RUVBL1: variants seen among roughly 807,000 people sequenced by gnomAD.
The protein encoded by RUVBL1 is ruvB-like 1.
Under a neutral mutation model 52.4 loss-of-function variants are expected in RUVBL1, and 4 were observed. That is an observed-to-expected ratio of 0.08 (90% CI 0.04 to 0.17). The LOEUF (loss-of-function observed/expected upper bound fraction) is 0.17, where lower values mean the gene tolerates loss of function less well. Among genes scored for constraint, RUVBL1 ranks in the 10% least tolerant of loss-of-function variants. The probability of loss-of-function intolerance (pLI) is 1.00; values close to 1 mark genes in which losing one functional copy is unlikely to be tolerated. For synonymous variants in RUVBL1, 217 were observed against 214.4 expected (o/e 1.01, Z -0.10); for missense variants, 298 against 572.8 (o/e 0.52, Z 4.90).
At chr3:128,075,620 A>G (rs901534547) in intron 9 of RUVBL1, among the ~76,000 whole-genome samples, 1 of 151,816 alleles carries the variant, frequency 6.6e-6, no homozygotes. Flanking sequence ...CGACTTCCCA[A>G]GTCGTGCTGG....
In RUVBL1 at chr3:128,080,999, A is replaced by T. The variant is rs1942457322; in HGVS notation, c.*251T>A. On this transcript the variant is annotated 3_prime_UTR_variant, in exon 11 of 11. Coordinates refer to ENST00000322623, the MANE Select transcript of RUVBL1 (RefSeq NM_003707.3). ...GTTTATTTTTAAAAAACTTAGAGAG[A>T]GAGAGAGAGAGAATCAAAATAACCT... is the stretch of plus-strand genomic sequence containing the variant. The T allele has an allele frequency of 6.9e-6, 3 of 433,524 alleles. No individual in the cohort carries two copies. The highest frequency in any genetic ancestry group is 9.5e-5 in the South Asian group (2 of 21,136). 26.9% of individuals were successfully genotyped at this position (433,524 alleles called of 1,614,324 possible).
chr3:128,102,944 C>A (rs537219906), intron 4 of RUVBL1, among the ~76,000 whole-genome samples: 1 of 152,160 alleles, frequency 6.6e-6, no homozygotes, highest in Admixed American at 6.5e-5. Flanking sequence ...TGAGTCTGTG[C>A]GCCTAAGGAC....
At chr3:128,123,515 G>T in intron 1 of RUVBL1, 69 bp downstream of exon 1, 1 of 1,450,300 alleles carries the variant, frequency 6.9e-7, no homozygotes. Context: ...CCGAGCCACC[G>T]ACTTCAGCAG....
chr3:128,106,202 A>G (rs1031606985), intron 3 of RUVBL1, among the ~76,000 whole-genome samples: 1 of 152,222 alleles, frequency 6.6e-6, no homozygotes, highest in African/African-American at 2.4e-5. Context: ...TTCTAAGGCC[A>G]TAACAACAAA....
chr3:128,086,717 A>G (rs1040882064), intron 9 of RUVBL1, among the ~76,000 whole-genome samples: 1 of 152,250 alleles, frequency 6.6e-6, no homozygotes, highest in African/African-American at 2.4e-5. Context: ...ATCACATGGA[A>G]TACCTGGAAA....
chr3:128,097,312 T>C lies in RUVBL1; in HGVS notation c.1004A>G (p.Asn335Ser). Reference sequence around the variant, plus strand: ...GCAGCCATCCTACCTGATGACACAGTTGCCTCGGTTGGATGCAAAGATGAC... The same window carrying C: ...GCAGCCATCCTACCTGATGACACAGCTGCCTCGGTTGGATGCAAAGATGAC... Reference protein sequence around the residue: ...PIVIFASNRGNCVIRGTEDIT... With the variant: ...PIVIFASNRGSCVIRGTEDIT... The change falls in exon 8 of 11, where the codon AAC becomes AGC. Residue 335 changes from asparagine (N) to serine (S), a missense_variant. Asn to Ser is a conservative substitution (Grantham distance 46, BLOSUM62 1). Transcript: ENST00000322623. The C allele has an allele frequency of 6.2e-7, 1 of 1,614,010 alleles. No individual in the cohort carries two copies. The highest frequency in any genetic ancestry group is 1.7e-4 in the Middle Eastern group (1 of 6,056).
At chr3:128,145,470 G>A (rs983041207) in intron 1 of RUVBL1, among the ~76,000 whole-genome samples, 4 of 152,232 alleles carry the variant, frequency 2.6e-5, no homozygotes, top group Admixed American at 2.6e-4. Context: ...AACATGACAT[G>A]GAGGTAGCCA....
chr3:128,125,642 C>A (rs891692349), upstream of RUVBL1, among the ~76,000 whole-genome samples: 2 of 152,182 alleles, frequency 1.3e-5, no homozygotes, highest in Non-Finnish European at 2.9e-5. Flanking sequence ...TTTTATAGGA[C>A]TTGGTAATGA....
At chr3:128,089,909 C>CAAAAAA (rs57182193) in intron 8 of RUVBL1, among the ~76,000 whole-genome samples, 4 of 59,352 alleles carry the variant, frequency 6.7e-5, no homozygotes, top group Non-Finnish European at 1.2e-4. Flanking sequence ...GACCCTATCT[C>CAAAAAA]AAAAAAAAAA....
chr3:128,103,960 ATAACAT>A (rs1943166743), intron 4 of RUVBL1, among the ~76,000 whole-genome samples: 1 of 152,252 alleles, frequency 6.6e-6, no homozygotes, highest in African/African-American at 2.4e-5. Flanking sequence ...GGCTCTCACG[ATAACAT>A]TAACAGCTAT....
chr3:128,100,319 T>G (rs1943082624), intron 6 of RUVBL1, among the ~76,000 whole-genome samples: 1 of 152,186 alleles, frequency 6.6e-6, no homozygotes. Flanking sequence ...GTGAGCCCAC[T>G]GCTGGAGTGA....
At chr3:128,109,484 C>T (rs897850708) in intron 3 of RUVBL1, among the ~76,000 whole-genome samples, 1 of 152,106 alleles carries the variant, frequency 6.6e-6, no homozygotes, top group East Asian at 1.9e-4. Flanking sequence ...TGGGCTCAAG[C>T]GATTCTCATG....
At chr3:128,102,634 AAAG>A (rs1220992413) in intron 4 of RUVBL1, among the ~76,000 whole-genome samples, 2 of 152,266 alleles carry the variant, frequency 1.3e-5, no homozygotes, top group African/African-American at 2.4e-5. Flanking sequence ...GAAATGTCCA[AAAG>A]AAGGCAACCG....
At chr3:128,125,624 A>C (rs1481570741), upstream of RUVBL1, among the ~76,000 whole-genome samples, 1 of 152,226 alleles carries the variant, frequency 6.6e-6, no homozygotes, top group African/African-American at 2.4e-5. Context: ...TGTATTTTAC[A>C]CGTTGGCTTT....
chr3:128,133,338 C>T (rs564773271), intron 1 of RUVBL1, among the ~76,000 whole-genome samples: 168 of 152,300 alleles, frequency 1.1e-3, no homozygotes, highest in African/African-American at 3.8e-3. Flanking sequence ...GAGGGAAGGA[C>T]ATAAGCCTGG....
intron 1 of RUVBL1, among the ~76,000 whole-genome samples, chr3:128,122,481 C>T (rs1327231452): frequency 6.6e-6 from 1 of 152,196 alleles, no homozygotes; most frequent in Non-Finnish European, 1.5e-5. Flanking sequence ...GGACATATAG[C>T]TACTTAGCAC....
chr3:128,147,376 G>A (rs1056363396), intron 1 of RUVBL1, among the ~76,000 whole-genome samples: 30 of 152,028 alleles, frequency 2.0e-4, no homozygotes, highest in African/African-American at 7.0e-4. Context: ...TGCAAGAAAA[G>A]CTAAAATTAA....
intron 8 of RUVBL1, among the ~76,000 whole-genome samples, chr3:128,094,735 T>C (rs552339105): frequency 6.6e-6 from 1 of 152,298 alleles, no homozygotes; most frequent in Non-Finnish European, 1.5e-5. Context: ...AGCCCTCAGT[T>C]AGTCACCTCC....
At chr3:128,089,041 A>G (rs1942745607) in intron 8 of RUVBL1, among the ~76,000 whole-genome samples, 1 of 152,246 alleles carries the variant, frequency 6.6e-6, no homozygotes, top group Non-Finnish European at 1.5e-5. Context: ...ACTACCGAGT[A>G]TTCTCATTCT....
Sources: allele counts gnomAD v4.1 joint callset (sites outside exome capture counted in the v4.1 genomes callset), GRCh38; gene constraint gnomAD v4.1.1; transcripts MANE v1.5; gene names NCBI Gene and HGNC (gene_info 2026-07-23, HGNC 2026-07-21).